Variants in ARHGAP24 observed in about 807,000 individuals in gnomAD.
ARHGAP24 encodes Rho GTPase activating protein 24, also known as rho GTPase-activating protein 24.
A neutral mutation model predicts 76.4 loss-of-function variants in ARHGAP24; 50 were observed. The observed-to-expected ratio is 0.65, with a 90% confidence interval of 0.52 to 0.83. ARHGAP24 has a LOEUF of 0.83. Ranked by LOEUF, ARHGAP24 falls within the 40% of genes least tolerant of loss-of-function variation. The probability of loss-of-function intolerance (pLI) is 0.00; values close to 1 mark genes in which losing one functional copy is unlikely to be tolerated. For synonymous variants in ARHGAP24, 345 were observed against 323.3 expected (o/e 1.07, Z -0.72); for missense variants, 930 against 914.2 (o/e 1.02, Z -0.22).
intron 2 of ARHGAP24, among the ~76,000 whole-genome samples, chr4:85,605,082 G>A (rs553594041): frequency 6.6e-6 from 1 of 152,304 alleles, no homozygotes; most frequent in South Asian, 2.1e-4. Context: ...AAGCTTTAGA[G>A]AGAATGTATT....
chr4:85,981,833 T>C (rs908251299), intron 8 of ARHGAP24, among the ~76,000 whole-genome samples: 2 of 152,128 alleles, frequency 1.3e-5, no homozygotes, highest in African/African-American at 4.8e-5. Flanking sequence ...GCCACCTCTA[T>C]TGGACTAGGT....
At position 85,973,837 on chromosome 4, in the gene ARHGAP24, T is replaced by TTTTTG. The variant is rs1203371811; in HGVS notation, c.733-1047_733-1046insGTTTT. ...TGTCAAAAACTGCTGCCTATTGTTT[T>TTTTTG]TTTTTTTTTTTTTTTTTTTTTTTGA... On this transcript the variant is annotated intron_variant, in intron 6 of 9. Coordinates refer to ENST00000395184, the MANE Select transcript of ARHGAP24 (RefSeq NM_001025616.3). 3.8e-5 allele frequency among the ~76,000 whole-genome samples: 3 copies of TTTTTG among 79,578 alleles called. 1 individual carries two copies. Among genetic ancestry groups the TTTTTG allele is most frequent in the African/African-American group, 1.0e-4 (2 of 19,556 alleles). 52.2% of individuals were successfully genotyped at this position (79,578 alleles called of 152,430 possible).
At chr4:85,873,782 T>TTC (rs1732670311) in intron 3 of ARHGAP24, among the ~76,000 whole-genome samples, 1 of 152,190 alleles carries the variant, frequency 6.6e-6, no homozygotes, top group African/African-American at 2.4e-5. Flanking sequence ...ACACTGAAGC[T>TTC]GATGTCTGCT....
chr4:85,564,955 T>C (rs2110138265), intron 1 of ARHGAP24, among the ~76,000 whole-genome samples: 1 of 114,402 alleles, frequency 8.7e-6, no homozygotes, highest in Non-Finnish European at 1.8e-5. Context: ...TATATATATA[T>C]ATATATATAT....
At chr4:85,607,882 T>C (rs1720254594) in intron 2 of ARHGAP24, among the ~76,000 whole-genome samples, 1 of 151,440 alleles carries the variant, frequency 6.6e-6, no homozygotes, top group Admixed American at 6.6e-5. Context: ...AGACAGAATA[T>C]GAAAGTGCAT....
At chr4:85,953,700 G>A (rs911126627) in intron 5 of ARHGAP24, among the ~76,000 whole-genome samples, 1 of 151,972 alleles carries the variant, frequency 6.6e-6, no homozygotes, top group African/African-American at 2.4e-5. Context: ...CTTAGTCATG[G>A]ATTTATCATC....
At chr4:85,752,714 T>A (rs1726310920) in intron 3 of ARHGAP24, among the ~76,000 whole-genome samples, 1 of 152,184 alleles carries the variant, frequency 6.6e-6, no homozygotes. Flanking sequence ...TCACTGAGCA[T>A]CAGTTTTCCT....
At chr4:85,815,398 C>A (rs557705972) in intron 3 of ARHGAP24, among the ~76,000 whole-genome samples, 21 of 152,278 alleles carry the variant, frequency 1.4e-4, no homozygotes, top group African/African-American at 4.8e-4. Flanking sequence ...TTAACAACAC[C>A]CAAGTCACCT....
At position 85,741,946 on chromosome 4, in the gene ARHGAP24, A is replaced by T. The variant is rs541202523; in HGVS notation, c.268+19974A>T. Among the ~76,000 whole-genome samples the T allele has an allele frequency of 3.3e-5, 5 of 152,346 alleles. No homozygotes were observed. In the South Asian group the frequency reaches 1.0e-3, roughly 32 times the overall value. Reference sequence around the variant, plus strand: ...ACCAAATAAAAAGATCTACTCTTTAAAAACTCTCTTTTCCAATGAGAGGAT... The same window carrying T: ...ACCAAATAAAAAGATCTACTCTTTATAAACTCTCTTTTCCAATGAGAGGAT... On this transcript the variant is annotated intron_variant, in intron 3 of 9. Transcript: ENST00000395184.
intron 3 of ARHGAP24, among the ~76,000 whole-genome samples, chr4:85,734,636 ATTTT>A (rs34647342): frequency 4.9e-5 from 5 of 101,956 alleles, no homozygotes; most frequent in African/African-American, 1.8e-4. Flanking sequence ...AATTCAGGGA[ATTTT>A]TTTTTTTTTT....
chr4:85,578,235 T>G (rs1204914793), intron 2 of ARHGAP24, among the ~76,000 whole-genome samples: 2 of 152,188 alleles, frequency 1.3e-5, no homozygotes, highest in Non-Finnish European at 2.9e-5. Context: ...AAAGCAACTA[T>G]GCTATAGATA....
chr4:85,965,430 A>G (rs1738533158), intron 5 of ARHGAP24, among the ~76,000 whole-genome samples: 1 of 152,140 alleles, frequency 6.6e-6, no homozygotes, highest in Admixed American at 6.5e-5. Flanking sequence ...GAGCCAAATC[A>G]TATCAGGCAC....
intron 5 of ARHGAP24, among the ~76,000 whole-genome samples, chr4:85,960,860 A>G (rs1274381321): frequency 6.6e-6 from 1 of 152,178 alleles, no homozygotes; most frequent in Non-Finnish European, 1.5e-5. Flanking sequence ...CACAGTTCTA[A>G]GTCAGGACCA....
intron 3 of ARHGAP24, among the ~76,000 whole-genome samples, chr4:85,784,857 C>T (rs559329688): frequency 6.6e-6 from 1 of 152,168 alleles, no homozygotes; most frequent in Non-Finnish European, 1.5e-5. Context: ...TCCTTTTCTA[C>T]TACAGTCTAT....
chr4:85,728,326 A>T (rs1725250756), intron 3 of ARHGAP24, among the ~76,000 whole-genome samples: 1 of 151,344 alleles, frequency 6.6e-6, no homozygotes, highest in Non-Finnish European at 1.5e-5. Context: ...CATTGACTGT[A>T]GTTTAAGAAT....
intron 5 of ARHGAP24, among the ~76,000 whole-genome samples, chr4:85,943,965 G>GTA (rs770727637): frequency 6.6e-6 from 1 of 151,998 alleles, no homozygotes; most frequent in Non-Finnish European, 1.5e-5. Context: ...AATCCTTTGG[G>GTA]TATATACCCA....
At chr4:85,749,679 C>A (rs774607235) in intron 3 of ARHGAP24, among the ~76,000 whole-genome samples, 1 of 152,168 alleles carries the variant, frequency 6.6e-6, no homozygotes, top group East Asian at 1.9e-4. Context: ...GATTCTCCTG[C>A]CTCAGCCCCC....
intron 1 of ARHGAP24, among the ~76,000 whole-genome samples, chr4:85,483,962 T>C (rs1377872853): frequency 6.6e-6 from 1 of 152,196 alleles, no homozygotes. Context: ...TTGGAAATCA[T>C]GAAAAAGCTA....
intron 3 of ARHGAP24, among the ~76,000 whole-genome samples, chr4:85,748,459 T>C (rs975832169): frequency 2.6e-5 from 4 of 152,234 alleles, no homozygotes; most frequent in African/African-American, 7.2e-5. Flanking sequence ...CATCTTTTAT[T>C]TGTAGTACAG....
Sources: allele counts gnomAD v4.1 joint callset (sites outside exome capture counted in the v4.1 genomes callset), GRCh38; gene constraint gnomAD v4.1.1; transcripts MANE v1.5; gene names NCBI Gene and HGNC (gene_info 2026-07-23, HGNC 2026-07-21).